The following RAB3GAP2 variants were observed in gnomAD, a reference collection of about 807,000 sequenced individuals.
RAB3GAP2 encodes the protein RAB3 GTPase activating non-catalytic protein subunit 2, also known as rab3 GTPase-activating protein non-catalytic subunit.
Under a neutral mutation model 185.3 loss-of-function variants are expected in RAB3GAP2, and 87 were observed. The observed-to-expected ratio is 0.47, with a 90% CI of 0.39 to 0.56. RAB3GAP2 has a LOEUF of 0.56. Among genes scored for constraint, RAB3GAP2 ranks in the 20% least tolerant of loss-of-function variants. The pLI is 0.00. For missense variants in RAB3GAP2, 1,492 were observed against 1,638.2 expected, an observed-to-expected ratio of 0.91 and a Z score of 1.54; for synonymous variants, 554 against 576.1, an observed-to-expected ratio of 0.96 and a Z score of 0.55.
chr1:220,254,496 C>T (rs535738554), intron 1 of RAB3GAP2: 12 of 1,613,288 alleles, frequency 7.4e-6, no homozygotes, highest in African/African-American at 1.3e-5. Flanking sequence ...TTAGTGCCAG[C>T]GATTATGAAG....
rs115920778 is a variant in RAB3GAP2 at position 220,200,408 on chromosome 1, C to T, written c.811+1868G>A. The T allele has an allele frequency of 7.1e-4, 240 of 336,966 alleles. 1 individual carries two copies. The highest frequency in any genetic ancestry group is 4.8e-3 in the African/African-American group (219 of 45,852). 20.9% of individuals were successfully genotyped at this position (336,966 alleles called of 1,614,324 possible). ...ATTGTTTGTCTCCCCATCACCAAAA[C>T]GTAAGCTTTATCAGGGTGGGGTCCT... is the stretch of plus-strand genomic sequence containing the variant. On this transcript the variant is annotated intron_variant, in intron 9 of 34. Coordinates refer to ENST00000358951, the MANE Select transcript of RAB3GAP2 (RefSeq NM_012414.4).
At chr1:220,177,405 C>T (rs1334632809) in intron 21 of RAB3GAP2, among the ~76,000 whole-genome samples, 1 of 152,116 alleles carries the variant, frequency 6.6e-6, no homozygotes, top group African/African-American at 2.4e-5. Flanking sequence ...ATGCACAATA[C>T]CATCGTACTA....
rs1658375199 is a variant in RAB3GAP2, at chr1:220,180,195, A to G, written c.2310+2062T>C. Among the ~76,000 whole-genome samples the G allele has an allele frequency of 2.6e-5, 4 of 152,090 alleles. No individual in the cohort carries two copies. In the South Asian group the frequency reaches 8.3e-4, roughly 32 times the overall value. Reference sequence around the variant, plus strand: ...GAAAAGAGGGAAGTCTATAGTAATAAACACCTCAATAAAAAGACTCCAAAT... The same window carrying G: ...GAAAAGAGGGAAGTCTATAGTAATAGACACCTCAATAAAAAGACTCCAAAT... On this transcript the variant is annotated intron_variant, in intron 21 of 34. Coordinates refer to ENST00000358951, the MANE Select transcript of RAB3GAP2 (RefSeq NM_012414.4).
At chr1:220,239,871 G>A (rs1221425407) in intron 1 of RAB3GAP2, among the ~76,000 whole-genome samples, 1 of 151,344 alleles carries the variant, frequency 6.6e-6, no homozygotes, top group Non-Finnish European at 1.5e-5. Flanking sequence ...ATCAATAATG[G>A]AAAACCAATT....
At chr1:220,163,366 ATT>A (rs1315429896) in intron 27 of RAB3GAP2, among the ~76,000 whole-genome samples, 17 of 139,162 alleles carry the variant, frequency 1.2e-4, no homozygotes, top group East Asian at 2.1e-4. Context: ...TAGTAACTTA[ATT>A]TTTTTTTTTT....
intron 7 of RAB3GAP2, chr1:220,207,882 G>A (rs1370990542): frequency 6.6e-6 from 1 of 152,150 alleles, no homozygotes; most frequent in Non-Finnish European, 1.5e-5. Flanking sequence ...ATCCTCTCCT[G>A]AAACGAATGA....
chr1:220,193,765 G>T (rs1441568600), intron 12 of RAB3GAP2, among the ~76,000 whole-genome samples: 1 of 151,828 alleles, frequency 6.6e-6, no homozygotes, highest in Non-Finnish European at 1.5e-5. Flanking sequence ...TCTCTTTTTT[G>T]CAAGATATGA....
chr1:220,210,024 T>A (rs1659049736), intron 7 of RAB3GAP2, among the ~76,000 whole-genome samples: 1 of 152,168 alleles, frequency 6.6e-6, no homozygotes, highest in Non-Finnish European at 1.5e-5. Flanking sequence ...GGCCAAATTT[T>A]TTTTCTTTTA....
intron 2 of RAB3GAP2, among the ~76,000 whole-genome samples, chr1:220,220,053 A>G (rs1659276331): frequency 6.6e-6 from 1 of 152,236 alleles, no homozygotes; most frequent in African/African-American, 2.4e-5. Flanking sequence ...TCCAAAAATA[A>G]TATCATTTGA....
At chr1:220,239,661 AATAGT>A (rs1259234082) in intron 1 of RAB3GAP2, among the ~76,000 whole-genome samples, 2 of 152,214 alleles carry the variant, frequency 1.3e-5, no homozygotes, top group African/African-American at 4.8e-5. Flanking sequence ...AAATAATAGG[AATAGT>A]ATAGTATTTT....
At chr1:220,170,665 C>T (rs1167722110) in intron 24 of RAB3GAP2, among the ~76,000 whole-genome samples, 5 of 152,196 alleles carry the variant, frequency 3.3e-5, no homozygotes, top group Non-Finnish European at 1.5e-5. Context: ...CTTTGAGAAT[C>T]ACTGCCAATT....
chr1:220,192,526 T>C (rs977072150), intron 13 of RAB3GAP2, among the ~76,000 whole-genome samples: 2 of 152,226 alleles, frequency 1.3e-5, no homozygotes, highest in African/African-American at 4.8e-5. Flanking sequence ...TATTTTCAAG[T>C]CTCCCTTATA....
In RAB3GAP2 at chr1:220,272,214, G is replaced by C. The variant is rs1159105343; in HGVS notation, c.115+9C>G. Reference sequence around the variant, plus strand: ...AGGGAAGGAAGGGCGAGGCCAGAGAGGCACTTACTGGGGTCCCTCCGCAAG... The same window carrying C: ...AGGGAAGGAAGGGCGAGGCCAGAGACGCACTTACTGGGGTCCCTCCGCAAG... On this transcript the variant is annotated intron_variant, in intron 1 of 34. Transcript: ENST00000358951. 2 of 1,595,188 alleles carry C rather than the reference G, an allele frequency of 1.3e-6. No homozygotes were observed.
At chr1:220,159,308 C>A in intron 29 of RAB3GAP2, 78 bp downstream of exon 29, 1 of 1,208,624 alleles carries the variant, frequency 8.3e-7, no homozygotes, top group South Asian at 1.3e-5. Flanking sequence ...AGGCAAAGTT[C>A]ACCTATACAG....
intron 1 of RAB3GAP2, among the ~76,000 whole-genome samples, chr1:220,263,375 A>C (rs1393472156): frequency 6.6e-6 from 1 of 152,084 alleles, no homozygotes; most frequent in Non-Finnish European, 1.5e-5. Context: ...ATGCAAGTCC[A>C]ATGTCATGAA....
chr1:220,249,229 T>C (rs2102520549), intron 1 of RAB3GAP2, among the ~76,000 whole-genome samples: 1 of 152,056 alleles, frequency 6.6e-6, no homozygotes, highest in South Asian at 2.1e-4. Context: ...CAGGAAGAGG[T>C]GGGAAAGTTT....
chr1:220,221,559 GTTGAGGGGAGGGAATCTATAATTATAT>G (rs1412745964), intron 2 of RAB3GAP2, among the ~76,000 whole-genome samples: 1 of 152,158 alleles, frequency 6.6e-6, no homozygotes, highest in East Asian at 1.9e-4. Context: ...AATCCTAGTT[GTTGAGGGGAGGGAATCTATAATTATAT>G]TTTAGTATGG....
intron 1 of RAB3GAP2, chr1:220,267,205 G>T: frequency 1.1e-6 from 1 of 931,374 alleles, no homozygotes; most frequent in Non-Finnish European, 1.8e-6. Context: ...TGCCAATTCT[G>T]TGATATAAGT....
chr1:220,197,720 T>C (rs565312969), intron 9 of RAB3GAP2, among the ~76,000 whole-genome samples: 5 of 152,308 alleles, frequency 3.3e-5, no homozygotes, highest in Non-Finnish European at 7.3e-5. Flanking sequence ...GCAATATACA[T>C]GGGAGTATAA....
Sources: allele counts gnomAD v4.1 joint callset (sites outside exome capture counted in the v4.1 genomes callset), GRCh38; gene constraint gnomAD v4.1.1; transcripts MANE v1.5; gene names NCBI Gene and HGNC (gene_info 2026-07-23, HGNC 2026-07-21).